The following OR7D2 variants were observed in gnomAD, a reference collection of about 807,000 sequenced individuals.
OR7D2 encodes the protein olfactory receptor 7D2.
For missense variants in OR7D2, 370 were observed against 384.1 expected (o/e 0.96, Z 0.31); for synonymous variants, 158 against 158.7 (o/e 1.00, Z 0.03).
At chr19:9,183,550 T>C (rs1381089086) in intron 2 of OR7D2, among the ~76,000 whole-genome samples, 2 of 152,064 alleles carry the variant, frequency 1.3e-5, no homozygotes, top group Non-Finnish European at 2.9e-5. Context: ...AGTGCTGGTA[T>C]TACAGGCGTG....
intron 1 of OR7D2, among the ~76,000 whole-genome samples, chr19:9,179,683 A>T (rs2050977077): frequency 6.6e-6 from 1 of 152,110 alleles, no homozygotes. Context: ...CTACCTGCTA[A>T]CACCTTCCTT....
At position 9,185,888 on chromosome 19, in the gene OR7D2, T is replaced by C; in HGVS notation, c.107T>C (p.Leu36Pro). 3 of 1,613,996 alleles carry C rather than the reference T, an allele frequency of 1.9e-6. No homozygotes were observed. Among genetic ancestry groups the C allele is most frequent in the South Asian group, 1.1e-5 (1 of 91,066 alleles). The change falls in exon 3 of 3, where the codon CTG becomes CCG. Residue 36 changes from leucine (L) to proline (P), a missense_variant. Leu to Pro is a moderately conservative substitution (Grantham distance 98, BLOSUM62 -3). Transcript: ENST00000641288. ...FIFGLFLSMYLVTVLGNLLII... is the reference protein window; with the variant it reads ...FIFGLFLSMYPVTVLGNLLII... ...TTTGGGCTGTTCCTGTCCATGTACC[T>C]GGTGACGGTGCTGGGAAACCTGCTC...
At chr19:9,182,488 C>CTTTATTTATTTATTTA (rs145113847) in intron 2 of OR7D2, 33,684 of 226,520 alleles carry the variant, frequency 0.15, 3,387 homozygotes, top group African/African-American at 0.2. Flanking sequence ...TACATGCATA[C>CTTTATTTATTTATTTA]TTTATTTATT....
intron 2 of OR7D2, among the ~76,000 whole-genome samples, chr19:9,184,547 C>G (rs1253892502): frequency 1.3e-5 from 2 of 151,858 alleles, no homozygotes; most frequent in Non-Finnish European, 2.9e-5. Context: ...GCAATCCCTC[C>G]CCTGGATATG....
chr19:9,185,734 C>T (rs765376297), intron 2 of OR7D2, 35 bp from the exon 3 acceptor site: 11 of 1,364,032 alleles, frequency 8.1e-6, no homozygotes, highest in Middle Eastern at 1.9e-4. Context: ...CAGGTGTCCA[C>T]CACCATGCCT....
intron 2 of OR7D2, among the ~76,000 whole-genome samples, chr19:9,181,289 TAC>T (rs905465068): frequency 1.3e-5 from 2 of 150,228 alleles, no homozygotes; most frequent in African/African-American, 2.4e-5. Context: ...CTATAAAATT[TAC>T]AGAGCTCATT....
rs1356628373 is a variant in OR7D2, at chr19:9,186,209, TC to T, written c.430del (p.Leu144TrpfsTer11). ...MIIMNPHLCG[L>X]LVFVTWLIGV... ...ATCATGAACCCCCACCTCTGTGGCC[TC>T]CTGGTTTTTGTCACCTGGCTCATTG... On this transcript the variant is annotated frameshift_variant, in exon 3 of 3. Coordinates refer to ENST00000641288, the MANE Select transcript of OR7D2 (RefSeq NM_175883.4). LOFTEE classifies it low-confidence loss of function (END_TRUNC). 6.2e-7 allele frequency: 1 copy of T among 1,614,198 alleles called. No homozygotes were observed. The highest frequency in any genetic ancestry group is 2.2e-5 in the East Asian group (1 of 44,878).
rs1021650996 is a variant in OR7D2 at position 9,187,724 on chromosome 19, C to A, written c.*1004C>A. The A allele has an allele frequency of 3.0e-5, 5 of 166,958 alleles. No individual in the cohort carries two copies. Among genetic ancestry groups the A allele is most frequent in the African/African-American group, 1.2e-4 (5 of 41,408 alleles). The allele number at this position is 166,958 out of a possible 1,614,324, so 10.3% of individuals were successfully genotyped here. On this transcript the variant is annotated 3_prime_UTR_variant, in exon 3 of 3. Coordinates refer to ENST00000641288, the MANE Select transcript of OR7D2 (RefSeq NM_175883.4). ...CTCATAGCTTAGCTCCCACTTATAA[C>A]TGAGAACATACGATATGTTCATATG...
chr19:9,179,727 C>T (rs754623429), intron 1 of OR7D2, among the ~76,000 whole-genome samples: 25 of 151,928 alleles, frequency 1.6e-4, no homozygotes, highest in Non-Finnish European at 1.5e-4. Flanking sequence ...AGTTCTCGGC[C>T]GGGTGCAGTG....
chr19:9,183,706 C>T (rs2051007592), intron 2 of OR7D2, among the ~76,000 whole-genome samples: 1 of 151,050 alleles, frequency 6.6e-6, no homozygotes, highest in South Asian at 2.1e-4. Context: ...GCCTGTAATC[C>T]CAGCACTTTG....
At position 9,187,015 on chromosome 19, in the gene OR7D2, T is replaced by G; in HGVS notation, c.*295T>G. ...CTCACTGCAACCTCCGCCTCCCGGG[T>G]TCAAGTGATTCTTCTGTCTCAGCCT... On this transcript the variant is annotated 3_prime_UTR_variant, in exon 3 of 3. Coordinates refer to ENST00000641288, the MANE Select transcript of OR7D2 (RefSeq NM_175883.4). 8 of 202,058 alleles carry G rather than the reference T, an allele frequency of 4.0e-5. No homozygotes were observed. The highest frequency in any genetic ancestry group is 7.2e-5 in the African/African-American group (3 of 41,942). 12.5% of individuals were successfully genotyped at this position (202,058 alleles called of 1,614,324 possible).
chr19:9,188,691 C>T lies in OR7D2; in HGVS notation c.*1971C>T, dbSNP rs1424417304. Reference sequence around the variant, plus strand: ...CAGAGTTCTTAAGCTATTGATTGTTCACTGACTTTATTTCTATGTGTTTGC... The same window carrying T: ...CAGAGTTCTTAAGCTATTGATTGTTTACTGACTTTATTTCTATGTGTTTGC... On this transcript the variant is annotated 3_prime_UTR_variant, in exon 3 of 3. Coordinates refer to ENST00000641288, the MANE Select transcript of OR7D2 (RefSeq NM_175883.4). 3 of 167,054 alleles carry T rather than the reference C, an allele frequency of 1.8e-5. No individual in the cohort carries two copies. The highest frequency in any genetic ancestry group is 2.9e-5 in the Non-Finnish European group (2 of 68,122). 10.3% of individuals were successfully genotyped at this position (167,054 alleles called of 1,614,324 possible). A position where few individuals can be genotyped will look rare whatever the true frequency, so the allele number is the denominator to read the frequency against.
At position 9,183,213 on chromosome 19, in the gene OR7D2, G is replaced by A. The variant is rs115855163; in HGVS notation, c.-14+2425G>A. Among the ~76,000 whole-genome samples, 813 of 152,196 alleles carry A rather than the reference G, an allele frequency of 5.3e-3. 10 individuals are homozygous for A. Among genetic ancestry groups the A allele is most frequent in the African/African-American group, 0.019 (779 of 41,528 alleles). ...CTGCCTGCTCCCGTGGGTGGGTTCC[G>A]GGGCAGTGGAAAGAATTACTTCAGC... On this transcript the variant is annotated intron_variant, in intron 2 of 2. Transcript: ENST00000641288.
At position 9,186,611 on chromosome 19, in the gene OR7D2, T is replaced by G; in HGVS notation, c.830T>G (p.Met277Arg). The G allele has an allele frequency of 6.2e-7, 1 of 1,614,000 alleles. No individual in the cohort carries two copies. The highest frequency in any genetic ancestry group is 8.5e-7 in the Non-Finnish European group (1 of 1,179,966). The change falls in exon 3 of 3, where the codon ATG (methionine) becomes AGG (arginine). Residue 277 changes from methionine to arginine, a missense_variant. Met to Arg is a moderately conservative substitution (Grantham distance 91). Transcript: ENST00000641288. ...CAGAAAATCTCCGTGGCCTCGGTGA[T>G]GTACACTGTGGTCACCCCCATGTTG... Reference protein sequence around the residue: ...SSQKISVASVMYTVVTPMLNP... With the variant: ...SSQKISVASVRYTVVTPMLNP...
At chr19:9,180,220 G>A (rs1339326821) in intron 1 of OR7D2, among the ~76,000 whole-genome samples, 3 of 150,930 alleles carry the variant, frequency 2.0e-5, no homozygotes, top group Non-Finnish European at 4.4e-5. Context: ...TTTTGAGACA[G>A]GGTCTTTCTG....
At chr19:9,185,562 A>G (rs1411639361) in intron 2 of OR7D2, 1 of 198,642 alleles carries the variant, frequency 5.0e-6, no homozygotes, top group African/African-American at 2.3e-5. Flanking sequence ...ATACATATAT[A>G]CATAGTTTTA....
In OR7D2 at chr19:9,185,952, C is replaced by T. The variant is rs369048035; in HGVS notation, c.171C>T (p.Thr57=). Residue 57 remains threonine (T), a synonymous_variant, in exon 3 of 3, where the codon ACC becomes ACT. Transcript: ENST00000641288. ...TCAGCTCTGACTCCCACCTCCACAC[C>T]CCCATGTACTTCTTCCTCTCCAACC... ...LAISSDSHLH[T]PMYFFLSNLS... is the part of the protein sequence containing the mutation. 6.2e-7 allele frequency: 1 copy of T among 1,614,014 alleles called. No homozygotes were observed. The highest frequency in any genetic ancestry group is 1.3e-5 in the African/African-American group (1 of 74,912).
At chr19:9,181,674 C>G (rs1416673150) in intron 2 of OR7D2, among the ~76,000 whole-genome samples, 1 of 152,018 alleles carries the variant, frequency 6.6e-6, no homozygotes, top group African/African-American at 2.4e-5. Context: ...AGGCTGGCCT[C>G]AAACTGCTAA....
At position 9,185,951 on chromosome 19, in the gene OR7D2, C is replaced by G. The variant is rs773858262; in HGVS notation, c.170C>G (p.Thr57Ser). The change falls in exon 3 of 3, where the codon ACC (threonine) becomes AGC (serine). Residue 57 changes from threonine (T) to serine (S), a missense_variant. By Grantham distance (58) the Thr-to-Ser change is moderately conservative (BLOSUM62 1). Coordinates refer to ENST00000641288, the MANE Select transcript of OR7D2 (RefSeq NM_175883.4). The stretch of plus-strand genomic sequence containing the variant: ...ATCAGCTCTGACTCCCACCTCCACA[C>G]CCCCATGTACTTCTTCCTCTCCAAC... ...LAISSDSHLH[T>S]PMYFFLSNLS... 3 of 1,614,066 alleles carry G rather than the reference C, an allele frequency of 1.9e-6. No homozygotes were observed. The highest frequency in any genetic ancestry group is 2.5e-6 in the Non-Finnish European group (3 of 1,179,970).
Sources: gnomAD v4.1 joint callset for allele counts (sites outside exome capture counted in the v4.1 genomes callset) on GRCh38, gnomAD v4.1.1 for gene constraint, MANE v1.5 for transcripts, NCBI Gene and HGNC (gene_info 2026-07-23, HGNC 2026-07-21) for gene names.